The following ZYG11B variants were observed in gnomAD, a reference collection of about 807,000 sequenced individuals.
ZYG11B encodes protein zyg-11 homolog B.
In ZYG11B, 36 loss-of-function variants were observed where a neutral mutation model predicts 82.4. The observed-to-expected ratio is 0.44, with a 90% confidence interval of 0.33 to 0.58. The LOEUF is 0.58. Among genes scored for constraint, ZYG11B ranks in the 20% least tolerant of loss-of-function variants. ZYG11B has a pLI of 0.02. For missense variants in ZYG11B, 552 were observed against 895.6 expected (o/e 0.62, Z 4.90); for synonymous variants, 303 against 312.8 (o/e 0.97, Z 0.33).
At chr1:52,728,057 T>C (rs1483604278) in intron 1 of ZYG11B, among the ~76,000 whole-genome samples, 1 of 152,200 alleles carries the variant, frequency 6.6e-6, no homozygotes, top group Admixed American at 6.5e-5. Context: ...CTCCTTCACT[T>C]TCACACACTG....
chr1:52,746,985 T>C (rs972473064), intron 1 of ZYG11B, among the ~76,000 whole-genome samples: 1 of 151,400 alleles, frequency 6.6e-6, no homozygotes, highest in Non-Finnish European at 1.5e-5. Context: ...GCATTGAAGA[T>C]TGGTTCAAGG....
chr1:52,741,868 G>A (rs201387580), intron 1 of ZYG11B, among the ~76,000 whole-genome samples: 1 of 152,092 alleles, frequency 6.6e-6, no homozygotes, highest in African/African-American at 2.4e-5. Context: ...TTTGCTTAAG[G>A]TTATATAGGT....
intron 10 of ZYG11B, among the ~76,000 whole-genome samples, chr1:52,812,676 A>G (rs978116234): frequency 1.3e-5 from 2 of 151,218 alleles, no homozygotes; most frequent in Non-Finnish European, 2.9e-5. Context: ...AAGTGATGGG[A>G]TTACAGGCAT....
At chr1:52,736,439 A>ATTTTTTTCTTTTTCT (rs1193730230) in intron 1 of ZYG11B, among the ~76,000 whole-genome samples, 2 of 151,184 alleles carry the variant, frequency 1.3e-5, no homozygotes, top group African/African-American at 2.4e-5. Flanking sequence ...TGCCCAGCTA[A>ATTTTTTTCTTTTTCT]TTTTTTTCTT....
intron 3 of ZYG11B, among the ~76,000 whole-genome samples, chr1:52,773,623 A>ATATATATATT (rs1644775959): frequency 3.5e-5 from 1 of 28,788 alleles, no homozygotes; most frequent in Non-Finnish European, 6.5e-5. Flanking sequence ...ATATATATAT[A>ATATATATATT]TATATTTTTT....
chr1:52,803,167 TACACAC>T lies in ZYG11B; in HGVS notation c.1695+1030_1695+1035del, dbSNP rs1174039077. On this transcript the variant is annotated intron_variant, in intron 10 of 13. Transcript: ENST00000294353. ...ATATATATATATACACATATATATATACACACATATATATATATATACACATATATA... is the reference window on the plus strand; with the variant it reads ...ATATATATATATACACATATATATATATATATATATATATACACATATATA... Among the ~76,000 whole-genome samples the T allele has an allele frequency of 6.9e-4, 43 of 62,770 alleles. 2 individuals are homozygous for T. Among genetic ancestry groups the T allele is most frequent in the African/African-American group, 6.0e-3 (34 of 5,672 alleles). 41.2% of individuals were successfully genotyped at this position (62,770 alleles called of 152,430 possible).
At chr1:52,765,156 G>A (rs1038978598) in intron 2 of ZYG11B, among the ~76,000 whole-genome samples, 1 of 151,552 alleles carries the variant, frequency 6.6e-6, no homozygotes, top group African/African-American at 2.4e-5. Flanking sequence ...CAAAGTGCTA[G>A]GATTATAGGC....
chr1:52,731,234 C>T (rs965685879), intron 1 of ZYG11B, among the ~76,000 whole-genome samples: 2 of 151,042 alleles, frequency 1.3e-5, no homozygotes, highest in African/African-American at 4.9e-5. Context: ...GCGATTGTGC[C>T]ACTGCACTCC....
intron 3 of ZYG11B, chr1:52,772,264 T>C (rs1011430106): frequency 5.0e-5 from 66 of 1,326,704 alleles, no homozygotes; most frequent in Non-Finnish European, 6.4e-5. Context: ...CTTGGTCTTA[T>C]AATATTGAGC....
chr1:52,733,606 A>T (rs185448872), intron 1 of ZYG11B, among the ~76,000 whole-genome samples: 1 of 152,306 alleles, frequency 6.6e-6, no homozygotes, highest in East Asian at 1.9e-4. Context: ...AGCTGCAGTG[A>T]GCAGGGTTCA....
chr1:52,773,027 G>A (rs1416994749), intron 3 of ZYG11B, among the ~76,000 whole-genome samples: 1 of 152,106 alleles, frequency 6.6e-6, no homozygotes, highest in Non-Finnish European at 1.5e-5. Context: ...GACACCCCTT[G>A]TTGAATTGAA....
rs144122733 is a variant in ZYG11B, at chr1:52,752,714, A to T, written c.31-3744A>T. Among the ~76,000 whole-genome samples the T allele has an allele frequency of 3.2e-3, 438 of 138,132 alleles. 3 individuals are homozygous for T. Among genetic ancestry groups the T allele is most frequent in the Non-Finnish European group, 5.1e-3 (338 of 66,320 alleles). The allele number at this position is 138,132 out of a possible 152,430, so 90.6% of individuals were successfully genotyped here. ...TGGCCTAAACTGTAGTGCTATGCTA[A>T]TTCTGGGTAGTTAGTGTCAGAATTC... On this transcript the variant is annotated intron_variant, in intron 1 of 13. Transcript: ENST00000294353.
chr1:52,782,645 A>C (rs936334321), intron 4 of ZYG11B, among the ~76,000 whole-genome samples: 1 of 152,118 alleles, frequency 6.6e-6, no homozygotes, highest in Admixed American at 6.6e-5. Context: ...TAGTATGATC[A>C]TAGCTCACTG....
intron 2 of ZYG11B, among the ~76,000 whole-genome samples, chr1:52,761,295 C>T (rs1297403579): frequency 6.6e-6 from 1 of 152,204 alleles, no homozygotes; most frequent in Non-Finnish European, 1.5e-5. Context: ...CTCCTCCTGT[C>T]TAGCTTAATT....
chr1:52,797,401 GAA>G lies in ZYG11B; in HGVS notation c.1485+619_1485+620del, dbSNP rs1491322775. ...TATATAATACATATATATCATATAT[GAA>G]ATATATATCATATATTATACATATT... On this transcript the variant is annotated intron_variant, in intron 8 of 13. Coordinates refer to ENST00000294353, the MANE Select transcript of ZYG11B (RefSeq NM_024646.3). 3.5e-4 allele frequency among the ~76,000 whole-genome samples: 22 copies of G among 63,288 alleles called. No individual in the cohort carries two copies. In the South Asian group the frequency reaches 5.3e-3, roughly 15 times the overall value. The allele number at this position is 63,288 out of a possible 152,430, so 41.5% of individuals were successfully genotyped here.
chr1:52,777,259 A>G (rs1644817966), intron 3 of ZYG11B, among the ~76,000 whole-genome samples: 1 of 151,964 alleles, frequency 6.6e-6, no homozygotes, highest in Non-Finnish European at 1.5e-5. Context: ...GAAGTAAAGA[A>G]ACTTTTATTA....
intron 1 of ZYG11B, among the ~76,000 whole-genome samples, chr1:52,755,888 C>T (rs560076668): frequency 6.6e-6 from 1 of 152,286 alleles, no homozygotes; most frequent in South Asian, 2.1e-4. Context: ...CAACTTCCGC[C>T]TCTTGGATTC....
chr1:52,743,009 G>A (rs1275847681), intron 1 of ZYG11B, among the ~76,000 whole-genome samples: 2 of 151,926 alleles, frequency 1.3e-5, no homozygotes, highest in East Asian at 3.9e-4. Flanking sequence ...GCCCCGTCTG[G>A]GAAGTGAGGA....
chr1:52,766,791 G>A (rs927256641), intron 2 of ZYG11B, among the ~76,000 whole-genome samples: 5 of 152,112 alleles, frequency 3.3e-5, no homozygotes, highest in Admixed American at 1.3e-4. Flanking sequence ...GGCGGATCAC[G>A]AGGTCAGGAG....
Sources: gnomAD v4.1 joint callset for allele counts (sites outside exome capture counted in the v4.1 genomes callset) on GRCh38, gnomAD v4.1.1 for gene constraint, MANE v1.5 for transcripts, NCBI Gene and HGNC (gene_info 2026-07-23, HGNC 2026-07-21) for gene names.